The following SLC6A12 variants were observed in gnomAD, a reference collection of about 807,000 sequenced individuals.
SLC6A12 encodes the protein sodium- and chloride-dependent betaine transporter.
A neutral mutation model predicts 73.3 loss-of-function variants in SLC6A12; 50 were observed. The observed-to-expected ratio is 0.68, with a 90% CI of 0.54 to 0.86. SLC6A12 has a LOEUF of 0.86. Ranked by LOEUF, SLC6A12 falls within the 40% of genes least tolerant of loss-of-function variation. SLC6A12 has a pLI of 0.00. For synonymous variants in SLC6A12, 304 were observed against 309.2 expected (o/e 0.98, Z 0.18); for missense variants, 648 against 772.8 (o/e 0.84, Z 1.92).
chr12:184,935 A>C, the SLC6A12 span, among the ~76,000 whole-genome samples: 44 of 152,036 alleles, frequency 2.9e-4, no homozygotes, highest in African/African-American at 9.9e-4. Context: ...TGTCTCAAAA[A>C]AAAAAAAAAA....
intron 4 of SLC6A12, chr12:203,689 C>G (rs1290355687): frequency 6.6e-6 from 1 of 152,220 alleles, no homozygotes; most frequent in Non-Finnish European, 1.5e-5. Context: ...CCCGGGTCAG[C>G]CCGGTGAACT....
intron 2 of SLC6A12, chr12:210,533 C>G: frequency 3.0e-6 from 1 of 335,924 alleles, no homozygotes; most frequent in Non-Finnish European, 4.3e-6. Flanking sequence ...GATCGATCAG[C>G]TCAGAGTAAA....
At chr12:192,383 G>C (rs965434828) in intron 15 of SLC6A12, 95 bp downstream of exon 15, 1 of 1,096,056 alleles carries the variant, frequency 9.1e-7, no homozygotes, top group East Asian at 2.4e-5. Context: ...CTCAGAGTTT[G>C]TGTCTGCTCC....
intron 4 of SLC6A12, chr12:203,267 G>A (rs216252): frequency 0.54 from 87,680 of 161,534 alleles, 25,171 homozygotes; most frequent in African/African-American, 0.75. Flanking sequence ...GGAGGGTCTC[G>A]CTATGCTGCC....
In SLC6A12 at chr12:190,183, C is replaced by G. The variant is rs1050800427; in HGVS notation, c.*885G>C. ...AGGTTTTAGTCATATCTCTGGCCCC[C>G]AAGAAGGGGGTCCCCATGTGAACTT... On this transcript the variant is annotated 3_prime_UTR_variant, in exon 16 of 16. Transcript: ENST00000684302. 2.0e-5 allele frequency: 3 copies of G among 152,224 alleles called. No homozygotes were observed. The highest frequency in any genetic ancestry group is 4.4e-5 in the Non-Finnish European group (3 of 68,038). The allele number at this position is 152,224 out of a possible 1,614,324, so 9.4% of individuals were successfully genotyped here. A position where few individuals can be genotyped will look rare whatever the true frequency, so the allele number is the denominator to read the frequency against.
Position 200,714 on chromosome 12 carries a change from G to A in SLC6A12, c.648C>T (p.Cys216=), listed in dbSNP as rs1940212836. Residue 216 remains cysteine, a synonymous_variant, in exon 7 of 16, where the codon TGC becomes TGT. Transcript: ENST00000684302. The stretch of plus-strand genomic sequence containing the variant: ...AGCAGATGACCCAGGCGAGCAGGAG[G>A]CACAGGGCCAGCTCCCAGCGCAGGG... ...LGSLRWELAL[C]LLLAWVICYF... The A allele has an allele frequency of 1.9e-6, 3 of 1,613,998 alleles. No individual in the cohort carries two copies. The highest frequency in any genetic ancestry group is 2.5e-6 in the Non-Finnish European group (3 of 1,179,996).
At chr12:204,283 T>G (rs1940498847) in intron 4 of SLC6A12, 1 of 410,678 alleles carries the variant, frequency 2.4e-6, no homozygotes. Flanking sequence ...CCCTCGCTTC[T>G]GCCCCTGCAG....
chr12:185,400 AG>A (rs1939412630), downstream of SLC6A12, among the ~76,000 whole-genome samples: 1 of 152,218 alleles, frequency 6.6e-6, no homozygotes. Flanking sequence ...TGCTTGGGGA[AG>A]GGACTTGCCC....
chr12:210,464 C>T (rs547723776), intron 2 of SLC6A12: 9 of 971,044 alleles, frequency 9.3e-6, no homozygotes, highest in African/African-American at 7.0e-5. Flanking sequence ...CAAGGGTCAA[C>T]GGGCAGGTGT....
In SLC6A12 at chr12:194,943, C is replaced by T. The variant is rs145097313; in HGVS notation, c.1429+282G>A. ...CCCAGTGGCACAGGGCCTCAGGCCA[C>T]CTCCATATCGAGGACACTGTGCGCT... On this transcript the variant is annotated intron_variant, in intron 13 of 15. Transcript: ENST00000684302. Among the ~76,000 whole-genome samples the T allele has an allele frequency of 7.8e-3, 1,191 of 152,300 alleles. 5 individuals carry two copies. The highest frequency in any genetic ancestry group is 0.014 in the Middle Eastern group (4 of 294).
chr12:204,658 G>T lies in SLC6A12; in HGVS notation c.255C>A (p.Cys85Ter), dbSNP rs199521597. The T allele has an allele frequency of 1.9e-6, 3 of 1,614,148 alleles. No individual in the cohort carries two copies. The highest frequency in any genetic ancestry group is 2.2e-5 in the East Asian group (1 of 44,886). ...FIPYFIFFFV[C>*]GIPVFFLEVA... Reference sequence around the variant, plus strand: ...CCTCCAGGAAGAACACCGGGATGCCGCAGACAAAGAAGAAGATGAAGTAGG... The same window carrying T: ...CCTCCAGGAAGAACACCGGGATGCCTCAGACAAAGAAGAAGATGAAGTAGG... The change falls in exon 4 of 16, where the codon TGC becomes TGA. Residue 85 changes from cysteine to a stop codon, truncating the protein, a stop_gained. Transcript: ENST00000684302. LOFTEE classifies it high-confidence loss of function.
In SLC6A12 at chr12:198,940, G is replaced by T. The variant is rs764494122; in HGVS notation, c.712-9C>A. The T allele has an allele frequency of 8.7e-6, 14 of 1,613,344 alleles. No individual in the cohort carries two copies. The South Asian group carries it at 1.3e-4, about 15-fold the overall frequency. On this transcript the variant is annotated splice_polypyrimidine_tract_variant and intron_variant, in intron 7 of 15. Transcript: ENST00000684302. The surrounding 1 kb of genome is among the most constrained non-coding windows in gnomAD (Gnocchi z 4.0). ...GCTGTGAAATAAACCACCTGGAGGT[G>T]GGGGGACAGGCCAAGGTCACTCCTG...
At chr12:196,047 C>T (rs1939843609) in intron 12 of SLC6A12, 77 bp downstream of exon 12, 40 of 1,390,812 alleles carry the variant, frequency 2.9e-5, no homozygotes, top group Non-Finnish European at 3.9e-5. Context: ...AAAAGTGAGG[C>T]TCTGAGCAGG....
chr12:184,765 A>G, the SLC6A12 span, among the ~76,000 whole-genome samples: 5 of 151,650 alleles, frequency 3.3e-5, no homozygotes, highest in Non-Finnish European at 7.4e-5. Context: ...TAAATAAATA[A>G]AAAAATAAAA....
chr12:201,893 T>C (rs774124569), intron 5 of SLC6A12, 44 bp from the exon 6 acceptor site: 1 of 1,530,208 alleles, frequency 6.5e-7, no homozygotes, highest in Non-Finnish European at 9.1e-7. Flanking sequence ...GAGATGCTCT[T>C]ATACCCTAGT....
In SLC6A12 at chr12:205,850, C is replaced by A. The variant is rs1452929033; in HGVS notation, c.215-1152G>T. 2.0e-5 allele frequency among the ~76,000 whole-genome samples: 3 copies of A among 152,194 alleles called. No individual in the cohort carries two copies. In the East Asian group the frequency reaches 5.8e-4, roughly 29 times the overall value. Reference sequence around the variant, plus strand: ...GTCAGTAAATACATATCTACCTCATCATTTTGATTGCTGCATAGTGTTCCA... The same window carrying A: ...GTCAGTAAATACATATCTACCTCATAATTTTGATTGCTGCATAGTGTTCCA... On this transcript the variant is annotated intron_variant, in intron 3 of 15. Transcript: ENST00000684302.
downstream of SLC6A12, among the ~76,000 whole-genome samples, chr12:185,804 G>T (rs1939420488): frequency 6.6e-6 from 1 of 152,228 alleles, no homozygotes; most frequent in Non-Finnish European, 1.5e-5. Context: ...AGGGCCCAGG[G>T]CACTGACCCA....
chr12:184,026 T>C, the SLC6A12 span, among the ~76,000 whole-genome samples: 200 of 152,224 alleles, frequency 1.3e-3, 4 homozygotes, highest in African/African-American at 4.6e-3. Flanking sequence ...CCAACCAATC[T>C]TGTTTATGGG....
chr12:195,128 G>T (rs1472503920), intron 13 of SLC6A12, 97 bp downstream of exon 13: 1 of 760,602 alleles, frequency 1.3e-6, no homozygotes, highest in Non-Finnish European at 2.4e-6. Context: ...AGAAACCAGG[G>T]GACCAGAGAA....
Sources: allele counts gnomAD v4.1 joint callset (sites outside exome capture counted in the v4.1 genomes callset), GRCh38; gene constraint gnomAD v4.1.1; non-coding constraint Gnocchi (gnomAD v3.1); transcripts MANE v1.5; gene names NCBI Gene and HGNC (gene_info 2026-07-23, HGNC 2026-07-21).